Variants in HIP1 observed in about 807,000 individuals in gnomAD.
The protein encoded by HIP1 is huntingtin interacting protein 1, also known as huntingtin-interacting protein 1.
In HIP1, 65 loss-of-function variants were observed where a neutral mutation model predicts 147.6. The ratio of observed to expected loss-of-function variants is 0.44; its 90% CI spans 0.36 to 0.54. HIP1 has a LOEUF of 0.54. Among genes scored for constraint, HIP1 ranks in the 20% least tolerant of loss-of-function variants. HIP1 has a pLI of 0.00. For missense variants in HIP1, 1,061 were observed against 1,299.6 expected, an observed-to-expected ratio of 0.82 and a Z score of 2.82; for synonymous variants, 479 against 504.0, an observed-to-expected ratio of 0.95 and a Z score of 0.67.
intron 1 of HIP1, among the ~76,000 whole-genome samples, chr7:75,712,224 T>C (rs1801183432): frequency 6.6e-6 from 1 of 152,152 alleles, no homozygotes; most frequent in Non-Finnish European, 1.5e-5. Flanking sequence ...TGTTCAGACA[T>C]AACATCATCA....
At chr7:75,642,422 C>G (rs986401409) in intron 1 of HIP1, among the ~76,000 whole-genome samples, 1 of 152,152 alleles carries the variant, frequency 6.6e-6, no homozygotes, top group Admixed American at 6.5e-5. Flanking sequence ...GTAATCCCAT[C>G]TAGTCAGGAG....
intron 2 of HIP1, 103 bp downstream of exon 2, chr7:75,599,081 T>C (rs1796873192): frequency 3.6e-6 from 3 of 825,788 alleles, no homozygotes; most frequent in Middle Eastern, 2.5e-4. Context: ...CTGTGCAGGG[T>C]TGCCCCTTCC....
intron 1 of HIP1, among the ~76,000 whole-genome samples, chr7:75,603,967 C>T (rs117422476): frequency 0.011 from 1,658 of 152,298 alleles, 14 homozygotes; most frequent in Non-Finnish European, 0.016. Context: ...CCTATGGAGA[C>T]GCAGTGCTTA....
At chr7:75,560,709 T>C (rs782144291) in intron 13 of HIP1, among the ~76,000 whole-genome samples, 1 of 152,160 alleles carries the variant, frequency 6.6e-6, no homozygotes, top group Non-Finnish European at 1.5e-5. Flanking sequence ...AAATGCATTA[T>C]GACAGAGAAC....
At chr7:75,639,244 AGGGGAG>A in intron 1 of HIP1, 22 of 727,936 alleles carry the variant, frequency 3.0e-5, no homozygotes, top group Non-Finnish European at 3.3e-5. Context: ...GGAGAAAGGA[AGGGGAG>A]GGGGAGGGGA....
intron 1 of HIP1, among the ~76,000 whole-genome samples, chr7:75,730,565 C>T (rs182815976): frequency 2.0e-5 from 3 of 151,748 alleles, no homozygotes; most frequent in South Asian, 2.1e-4. Context: ...TCTTGAACAC[C>T]TGACCTCAGG....
chr7:75,656,815 C>T (rs530272416), intron 1 of HIP1, among the ~76,000 whole-genome samples: 4 of 152,206 alleles, frequency 2.6e-5, no homozygotes, highest in African/African-American at 7.2e-5. Context: ...ATGACTAAAC[C>T]GTAAAGAAAA....
intron 4 of HIP1, among the ~76,000 whole-genome samples, chr7:75,591,552 C>T (rs781937807): frequency 6.6e-6 from 1 of 151,954 alleles, no homozygotes; most frequent in African/African-American, 2.4e-5. Flanking sequence ...ATTCTCAATG[C>T]ACTATGACTC....
intron 7 of HIP1, among the ~76,000 whole-genome samples, 180 bp downstream of exon 7, chr7:75,581,057 A>T (rs1554498492): frequency 6.6e-6 from 1 of 152,098 alleles, no homozygotes; most frequent in African/African-American, 2.4e-5. Flanking sequence ...CTTGTCTCTT[A>T]AAAAGAAAAA....
rs782800682 is a variant in HIP1 at position 75,568,806 on chromosome 7, C to A, written c.746-550G>T. Among the ~76,000 whole-genome samples the A allele has an allele frequency of 6.6e-6, 1 of 151,738 alleles. No homozygotes were observed. Among genetic ancestry groups the A allele is most frequent in the South Asian group, 2.1e-4 (1 of 4,802 alleles). ...GGAGAATCACTTGAGGTCAGGAGTT[C>A]GAGACCAGCCTGACCAATATGGTGA... is the stretch of plus-strand genomic sequence containing the variant. On this transcript the variant is annotated intron_variant, in intron 8 of 30. Transcript: ENST00000336926. This position sits in a 1 kb window ranked among gnomAD's most constrained non-coding sequence, Gnocchi z 4.1.
intron 23 of HIP1, 75 bp downstream of exon 23, chr7:75,548,816 C>T (rs1455113410): frequency 8.9e-7 from 1 of 1,120,554 alleles, no homozygotes; most frequent in South Asian, 1.2e-5. Flanking sequence ...ACGACTGTGA[C>T]ATGTTTAATG....
intron 1 of HIP1, among the ~76,000 whole-genome samples, chr7:75,720,150 G>T (rs1298982022): frequency 6.6e-6 from 1 of 151,556 alleles, no homozygotes; most frequent in African/African-American, 2.4e-5. Context: ...GTTTTGTTTT[G>T]TTTTTGTTTG....
In HIP1 at chr7:75,738,866, G is replaced by C; in HGVS notation, c.55C>G (p.Leu19Val). 10 of 1,578,218 alleles carry C rather than the reference G, an allele frequency of 6.3e-6. No individual in the cohort carries two copies. Among genetic ancestry groups the C allele is most frequent in the Non-Finnish European group, 8.6e-6 (10 of 1,164,024 alleles). The change falls in exon 1 of 31, where the codon CTG (leucine) becomes GTG (valine). Residue 19 changes from leucine (L) to valine (V), a missense_variant. Physicochemically the swap from Leu to Val is conservative, Grantham distance 32. This residue lies in a region of HIP1 where 225 missense variants were observed against 292.9 expected (regional missense o/e 0.77). Coordinates refer to ENST00000336926, the MANE Select transcript of HIP1 (RefSeq NM_005338.7). ...CCAGCGCCGACCCCGCGCCGGCTCAGCACCTTGGGCAGTGGGTTGGGCACC... is the reference window on the plus strand; with the variant it reads ...CCAGCGCCGACCCCGCGCCGGCTCACCACCTTGGGCAGTGGGTTGGGCACC... ...KQVPNPLPKV[L>V]SRRGVGAGLE...
chr7:75,559,690 G>A (rs947297330), intron 14 of HIP1, 42 bp downstream of exon 14: 6 of 1,385,786 alleles, frequency 4.3e-6, no homozygotes, highest in African/African-American at 2.9e-5. Flanking sequence ...TGCTGCCCGC[G>A]CCTGCCCCCG....
At chr7:75,558,460 C>T (rs1795100044) in intron 14 of HIP1, among the ~76,000 whole-genome samples, 1 of 152,128 alleles carries the variant, frequency 6.6e-6, no homozygotes, top group Non-Finnish European at 1.5e-5. Context: ...ACCCCAGTCT[C>T]CTGAGTAGCT....
At chr7:75,633,547 C>T (rs1194564714) in intron 1 of HIP1, among the ~76,000 whole-genome samples, 1 of 152,170 alleles carries the variant, frequency 6.6e-6, no homozygotes, top group African/African-American at 2.4e-5. Flanking sequence ...CCGCCTTGGC[C>T]TCTCAAAGTG....
Position 75,534,301 on chromosome 7 carries a change from T to C in HIP1, c.*3871A>G, listed in dbSNP as rs1287905896. 4 of 224,466 alleles carry C rather than the reference T, an allele frequency of 1.8e-5. No individual in the cohort carries two copies. In the Admixed American group the frequency reaches 2.3e-4, roughly 13 times the overall value. 13.9% of individuals were successfully genotyped at this position (224,466 alleles called of 1,614,324 possible). On this transcript the variant is annotated 3_prime_UTR_variant, in exon 31 of 31. Transcript: ENST00000336926. ...CACTGGGTTAGAGGGACCCGTATTCTGGTGGGATTTTAGGGGTACTGCTAT... is the reference window on the plus strand; with the variant it reads ...CACTGGGTTAGAGGGACCCGTATTCCGGTGGGATTTTAGGGGTACTGCTAT...
rs1384337844 is a variant in HIP1, at chr7:75,536,436, T to A, written c.*1736A>T. Reference sequence around the variant, plus strand: ...CATGTAGCAAAACCTAGCAATATTCTGTTGGAGCAGATCCTGGGAAGTGCT... The same window carrying A: ...CATGTAGCAAAACCTAGCAATATTCAGTTGGAGCAGATCCTGGGAAGTGCT... On this transcript the variant is annotated 3_prime_UTR_variant, in exon 31 of 31. Transcript: ENST00000336926. 1 of 227,752 alleles carries A rather than the reference T, an allele frequency of 4.4e-6. No homozygotes were observed. The highest frequency in any genetic ancestry group is 8.7e-6 in the Non-Finnish European group (1 of 114,484). 14.1% of individuals were successfully genotyped at this position (227,752 alleles called of 1,614,324 possible). A position where few individuals can be genotyped will look rare whatever the true frequency, so the allele number is the denominator to read the frequency against.
At chr7:75,633,030 G>A (rs1161490798) in intron 1 of HIP1, among the ~76,000 whole-genome samples, 4 of 152,154 alleles carry the variant, frequency 2.6e-5, no homozygotes, top group Non-Finnish European at 5.9e-5. Flanking sequence ...AGAGCATCAG[G>A]AGGAATATCT....
Sources: gnomAD v4.1 joint callset for allele counts (sites outside exome capture counted in the v4.1 genomes callset) on GRCh38, gnomAD v4.1.1 for gene constraint, gnomAD v4.1.1 regional missense constraint, Gnocchi (gnomAD v3.1) non-coding constraint, MANE v1.5 for transcripts, NCBI Gene and HGNC (gene_info 2026-07-23, HGNC 2026-07-21) for gene names.